The following HEPHL1 variants were observed in gnomAD, a reference collection of about 807,000 sequenced individuals.
The protein encoded by HEPHL1 is hephaestin like 1.
A neutral mutation model predicts 122.0 loss-of-function variants in HEPHL1; 123 were observed. That is an observed-to-expected ratio of 1.01 (90% CI 0.87 to 1.17). The LOEUF (loss-of-function observed/expected upper bound fraction) is 1.17. Among genes scored for constraint, HEPHL1 ranks in the 50% most tolerant of loss-of-function variants. HEPHL1 has a pLI of 0.00. For synonymous variants in HEPHL1, 527 were observed against 508.9 expected, an observed-to-expected ratio of 1.04 and a Z score of -0.48; for missense variants, 1,452 against 1,430.5, an observed-to-expected ratio of 1.01 and a Z score of -0.24.
chr11:94,105,319 G>C (rs1946399626), intron 16 of HEPHL1, among the ~76,000 whole-genome samples: 1 of 152,120 alleles, frequency 6.6e-6, no homozygotes, highest in Non-Finnish European at 1.5e-5. Flanking sequence ...GAATATAGTA[G>C]CCTGATTCCC....
intron 6 of HEPHL1, 37 bp downstream of exon 6, chr11:94,070,579 C>T (rs1215445552): frequency 1.3e-6 from 2 of 1,531,974 alleles, no homozygotes; most frequent in South Asian, 1.2e-5. Flanking sequence ...AGCCTCTCGT[C>T]AGAGAAGCAT....
intron 2 of HEPHL1, among the ~76,000 whole-genome samples, chr11:94,049,004 C>T (rs1167558870): frequency 6.6e-6 from 1 of 151,994 alleles, no homozygotes; most frequent in Admixed American, 6.6e-5. Flanking sequence ...GCCTATAACC[C>T]CAGCTACTTG....
intron 11 of HEPHL1, among the ~76,000 whole-genome samples, chr11:94,087,910 T>C (rs1452293261): frequency 6.6e-6 from 1 of 152,178 alleles, no homozygotes; most frequent in Admixed American, 6.5e-5. Flanking sequence ...CTCTGTACAT[T>C]GTAGAAGGTT....
At chr11:94,065,663 G>A (rs1182657982) in intron 4 of HEPHL1, among the ~76,000 whole-genome samples, 2 of 152,152 alleles carry the variant, frequency 1.3e-5, no homozygotes, top group Non-Finnish European at 2.9e-5. Context: ...AATGAAGGAT[G>A]GAGTCAATGA....
In HEPHL1 at chr11:94,111,817, C is replaced by A. The variant is rs201112747; in HGVS notation, c.3403C>A (p.Leu1135Ile). 350 of 1,560,416 alleles carry A rather than the reference C, an allele frequency of 2.2e-4. No homozygotes were observed. The highest frequency in any genetic ancestry group is 2.8e-4 in the Non-Finnish European group (325 of 1,155,758). ...LLLITTVILS[L>I]RLCSAMKQTD... ...TCTAATCACCACGGTGATTCTCTCC[C>A]TCAGACTCTGCTCTGCAATGAAGCA... is the stretch of plus-strand genomic sequence containing the variant. Residue 1135 changes from leucine (L) to isoleucine (I), a missense_variant, in exon 20 of 20, where the codon CTC becomes ATC. Transcript: ENST00000315765.
chr11:94,077,231 C>A (rs1420666129), intron 9 of HEPHL1, among the ~76,000 whole-genome samples: 9 of 152,084 alleles, frequency 5.9e-5, no homozygotes, highest in Admixed American at 3.9e-4. Flanking sequence ...ATTATCAAAT[C>A]TACATACATT....
intron 1 of HEPHL1, among the ~76,000 whole-genome samples, chr11:94,039,437 C>A (rs1052530165): frequency 7.3e-5 from 11 of 151,408 alleles, no homozygotes; most frequent in African/African-American, 2.7e-4. Context: ...AGCACCACAC[C>A]ACACCTATTC....
intron 9 of HEPHL1, among the ~76,000 whole-genome samples, chr11:94,076,609 GA>G (rs36065571): frequency 0.012 from 1,741 of 147,064 alleles, 34 homozygotes; most frequent in African/African-American, 0.041. Flanking sequence ...CAAAATTCAT[GA>G]AAAAAAAAAA....
rs572150634 is a variant in HEPHL1 at position 94,112,756 on chromosome 11, G to A, written c.*862G>A. ...GGGACTCCCTGAGAGTTTAGAGCAA[G>A]CTTTCTATCAGGGAGGGAAGCTTTG... On this transcript the variant is annotated 3_prime_UTR_variant, in exon 20 of 20. Transcript: ENST00000315765. 6.6e-6 allele frequency: 1 copy of A among 152,350 alleles called. No individual in the cohort carries two copies. The highest frequency in any genetic ancestry group is 2.4e-5 in the African/African-American group (1 of 41,584). 9.4% of individuals were successfully genotyped at this position (152,350 alleles called of 1,614,324 possible). A position where few individuals can be genotyped will look rare whatever the true frequency, so the allele number is the denominator to read the frequency against.
intron 12 of HEPHL1, among the ~76,000 whole-genome samples, chr11:94,091,872 G>C (rs1946265741): frequency 6.6e-6 from 1 of 152,204 alleles, no homozygotes; most frequent in Admixed American, 6.5e-5. Flanking sequence ...ATGTTCAAGA[G>C]AGTGAATGTT....
intron 1 of HEPHL1, among the ~76,000 whole-genome samples, chr11:94,031,671 G>T (rs1945676971): frequency 1.3e-5 from 2 of 152,240 alleles, no homozygotes; most frequent in African/African-American, 2.4e-5. Flanking sequence ...GGGAGGTCTT[G>T]TCCTGTGATT....
intron 1 of HEPHL1, among the ~76,000 whole-genome samples, chr11:94,039,384 A>G (rs1945754217): frequency 6.6e-6 from 1 of 152,206 alleles, no homozygotes; most frequent in Non-Finnish European, 1.5e-5. Flanking sequence ...ATTGACATCT[A>G]CAGAACTCTC....
chr11:94,098,016 T>G (rs1946332166), intron 13 of HEPHL1, among the ~76,000 whole-genome samples: 1 of 152,202 alleles, frequency 6.6e-6, no homozygotes. Context: ...CCCATTTACA[T>G]TTAAGGTTAA....
chr11:94,087,971 A>G (rs1477623634), intron 11 of HEPHL1, among the ~76,000 whole-genome samples: 1 of 152,242 alleles, frequency 6.6e-6, no homozygotes, highest in Non-Finnish European at 1.5e-5. Context: ...CTACTAGAGA[A>G]AGGGGAGAAA....
chr11:94,045,775 C>A lies in HEPHL1; in HGVS notation c.273C>A (p.Ile91=), dbSNP rs1945829561. 1 of 1,613,938 alleles carries A rather than the reference C, an allele frequency of 6.2e-7. No homozygotes were observed. Among genetic ancestry groups the A allele is most frequent in the Non-Finnish European group, 8.5e-7 (1 of 1,179,870 alleles). The part of the protein sequence containing the change: ...RFTDGTYSIE[I]PKPPWLGFLG... ...CGGATGGAACCTACTCCATAGAGAT[C>A]CCCAAACCTCCCTGGCTTGGATTCC... Residue 91 remains isoleucine, a synonymous_variant, in exon 2 of 20, where the codon ATC becomes ATA. Transcript: ENST00000315765.
At chr11:94,046,517 TC>T in intron 2 of HEPHL1, among the ~76,000 whole-genome samples, 1 of 148,502 alleles carries the variant, frequency 6.7e-6, no homozygotes, top group East Asian at 2.0e-4. Context: ...CTAGCTTTCT[TC>T]CTTGTCACTT....
At chr11:94,043,510 T>C (rs544852202) in intron 1 of HEPHL1, among the ~76,000 whole-genome samples, 4 of 152,048 alleles carry the variant, frequency 2.6e-5, no homozygotes, top group African/African-American at 9.6e-5. Context: ...TTAGAGAAAT[T>C]TGGCGTGCTT....
intron 11 of HEPHL1, 66 bp downstream of exon 11, chr11:94,086,255 TC>T: frequency 8.2e-7 from 1 of 1,217,144 alleles, no homozygotes; most frequent in South Asian, 1.3e-5. Context: ...CTTAGAGTTC[TC>T]CCACAGAAGA....
intron 1 of HEPHL1, among the ~76,000 whole-genome samples, chr11:94,031,025 C>T (rs1197547184): frequency 6.6e-6 from 1 of 152,134 alleles, no homozygotes; most frequent in African/African-American, 2.4e-5. Flanking sequence ...CAACAACACC[C>T]TTTGTTGTGG....
Sources: gnomAD v4.1 joint callset for allele counts (sites outside exome capture counted in the v4.1 genomes callset) on GRCh38, gnomAD v4.1.1 for gene constraint, MANE v1.5 for transcripts, NCBI Gene and HGNC (gene_info 2026-07-23, HGNC 2026-07-21) for gene names.